FABP6: variants seen among roughly 807,000 people sequenced by gnomAD.
The protein encoded by FABP6 is gastrotropin.
FABP6 carries 13 observed loss-of-function variants against 14.9 expected under a neutral mutation model. That is an observed-to-expected ratio of 0.87 (90% confidence interval 0.57 to 1.39). The LOEUF (loss-of-function observed/expected upper bound fraction) is 1.39, where lower values mean the gene tolerates loss of function less well. Among genes scored for constraint, FABP6 ranks in the 40% most tolerant of loss-of-function variants. The pLI, the probability that FABP6 is intolerant of heterozygous loss-of-function variation, is 0.00. For missense variants in FABP6, 161 were observed against 167.2 expected (o/e 0.96, Z 0.20); for synonymous variants, 75 against 63.6 (o/e 1.18, Z -0.85).
intron 3 of FABP6, among the ~76,000 whole-genome samples, chr5:160,218,594 G>A (rs1308597766): frequency 6.6e-6 from 1 of 151,152 alleles, no homozygotes; most frequent in African/African-American, 2.4e-5. Context: ...CTGAGTAGCT[G>A]GGATTACAGG....
upstream of FABP6, chr5:160,229,449 G>C (rs947520431): frequency 3.2e-6 from 5 of 1,572,584 alleles, no homozygotes; most frequent in African/African-American, 6.7e-5. Context: ...GGGTGACTTA[G>C]GGGCTGAGCC....
intron 3 of FABP6, among the ~76,000 whole-genome samples, chr5:160,216,452 G>A (rs1333063771): frequency 1.3e-5 from 2 of 151,952 alleles, no homozygotes; most frequent in Admixed American, 6.6e-5. Flanking sequence ...ATTTTTAGTA[G>A]AGATGGGGTT....
intron 3 of FABP6, among the ~76,000 whole-genome samples, chr5:160,237,013 G>A (rs1021478140): frequency 1.3e-5 from 2 of 152,020 alleles, no homozygotes; most frequent in African/African-American, 4.8e-5. Flanking sequence ...AAAACTAATA[G>A]ATGTACAGTG....
chr5:160,200,434 C>T lies in FABP6; in HGVS notation c.51+1277C>T, dbSNP rs1175316274. 6.9e-5 allele frequency among the ~76,000 whole-genome samples: 9 copies of T among 130,254 alleles called. No individual in the cohort carries two copies. In the South Asian group the frequency reaches 1.5e-3, roughly 21 times the overall value. The allele number at this position is 130,254 out of a possible 152,430, so 85.5% of individuals were successfully genotyped here. On this transcript the variant is annotated intron_variant, in intron 2 of 6. Coordinates refer to the FABP6 transcript ENST00000393980. ...TTTTTCTATTTTTTTTTTTTTGAGG[C>T]GGAGTCTCCCTCTTGTTGCCCAGGC...
chr5:160,213,322 A>G (rs1027010370), intron 2 of FABP6, among the ~76,000 whole-genome samples: 1 of 152,214 alleles, frequency 6.6e-6, no homozygotes, highest in Non-Finnish European at 1.5e-5. Flanking sequence ...TCTGCAGCTC[A>G]TGATACAAAT....
chr5:160,237,489 G>A (rs1397429415), intron 3 of FABP6, among the ~76,000 whole-genome samples: 4 of 151,730 alleles, frequency 2.6e-5, no homozygotes, highest in African/African-American at 9.7e-5. Flanking sequence ...GAATCATCCT[G>A]GCACCTCCCC....
intron 2 of FABP6, among the ~76,000 whole-genome samples, chr5:160,209,092 A>T (rs927351726): frequency 6.8e-6 from 1 of 146,806 alleles, no homozygotes; most frequent in South Asian, 2.1e-4. Flanking sequence ...CCCCATTTCT[A>T]AAAAAAAAAG....
intron 1 of FABP6, among the ~76,000 whole-genome samples, chr5:160,187,999 G>C (rs1273747359): frequency 6.6e-6 from 1 of 152,020 alleles, no homozygotes; most frequent in East Asian, 1.9e-4. Context: ...TGATCCACCC[G>C]CCTCGGCCTC....
chr5:160,215,745 G>A (rs1404639597), intron 3 of FABP6, among the ~76,000 whole-genome samples: 2 of 152,074 alleles, frequency 1.3e-5, no homozygotes, highest in African/African-American at 4.8e-5. Context: ...GGGAAGTGGA[G>A]GTGGTGGGAA....
chr5:160,202,169 G>A (rs947688845), intron 2 of FABP6, among the ~76,000 whole-genome samples: 3 of 152,116 alleles, frequency 2.0e-5, no homozygotes, highest in Non-Finnish European at 4.4e-5. Flanking sequence ...AGGGGAGATG[G>A]ATATTGAGAC....
chr5:160,222,563 A>C (rs2113123415), intron 3 of FABP6, among the ~76,000 whole-genome samples: 1 of 152,178 alleles, frequency 6.6e-6, no homozygotes, highest in South Asian at 2.1e-4. Flanking sequence ...CAAACTCTTG[A>C]CCTCAGGTGA....
chr5:160,238,178 C>T (rs542065534), intron 3 of FABP6, among the ~76,000 whole-genome samples: 1 of 152,298 alleles, frequency 6.6e-6, no homozygotes, highest in East Asian at 1.9e-4. Flanking sequence ...ATCTTCCCAT[C>T]ACCGAGCATG....
At position 160,232,193 on chromosome 5, in the gene FABP6, T is replaced by C. The variant is rs749140372; in HGVS notation, c.163T>C (p.Ser55Pro). ...GGACTTCACTTGGTCCCAGCACTAC[T>C]CCGGGGGCCACACCATGACCAACAA... ...GQDFTWSQHY[S>P]GGHTMTNKFT... is the part of the protein sequence containing the mutation. The change falls in exon 2 of 4, where the codon TCC becomes CCC. Residue 55 changes from serine (S) to proline (P), a missense_variant. Physicochemically the swap from Ser to Pro is moderately conservative, Grantham distance 74. Coordinates refer to ENST00000402432, the MANE Select transcript of FABP6 (RefSeq NM_001445.3). 6.2e-7 allele frequency: 1 copy of C among 1,613,650 alleles called. No individual in the cohort carries two copies. Among genetic ancestry groups the C allele is most frequent in the Non-Finnish European group, 8.5e-7 (1 of 1,179,828 alleles).
At chr5:160,198,812 C>A (rs1415216178) in intron 1 of FABP6, 4 of 417,656 alleles carry the variant, frequency 9.6e-6, no homozygotes, top group Non-Finnish European at 1.3e-5. Flanking sequence ...CCCACCCCAT[C>A]TGAAAACGAC....
chr5:160,199,302 T>C (rs1295635417), intron 2 of FABP6: 1 of 777,784 alleles, frequency 1.3e-6, no homozygotes, highest in Non-Finnish European at 2.2e-6. Flanking sequence ...CAAAGCCCTT[T>C]TCCTCCTTTC....
At chr5:160,203,600 C>T (rs1466260800) in intron 2 of FABP6, among the ~76,000 whole-genome samples, 2 of 152,234 alleles carry the variant, frequency 1.3e-5, no homozygotes, top group East Asian at 3.9e-4. Flanking sequence ...TGGGATCAAG[C>T]AATCCTTCTG....
chr5:160,238,032 A>G (rs1255055539), intron 3 of FABP6, among the ~76,000 whole-genome samples: 2 of 152,028 alleles, frequency 1.3e-5, no homozygotes, highest in Non-Finnish European at 2.9e-5. Context: ...CCAGCTGATG[A>G]CACGTGCACA....
intron 1 of FABP6, chr5:160,197,530 C>G (rs1481605990): frequency 6.6e-6 from 1 of 152,226 alleles, no homozygotes; most frequent in South Asian, 2.1e-4. Context: ...AGTGGGACCA[C>G]AAGGAAGAGG....
upstream of FABP6, among the ~76,000 whole-genome samples, chr5:160,227,603 TGG>T (rs1403300001): frequency 1.3e-5 from 2 of 150,224 alleles, no homozygotes; most frequent in Non-Finnish European, 2.9e-5. Context: ...GGAGGATCAC[TGG>T]AGCCTGGGAG....
Sources: allele counts gnomAD v4.1 joint callset (sites outside exome capture counted in the v4.1 genomes callset), GRCh38; gene constraint gnomAD v4.1.1; transcripts MANE v1.5; gene names NCBI Gene and HGNC (gene_info 2026-07-23, HGNC 2026-07-21).